INPP4A: variants seen among roughly 807,000 people sequenced by gnomAD.
The protein encoded by INPP4A is inositol polyphosphate-4-phosphatase type I A.
INPP4A carries 33 observed loss-of-function variants against 119.8 expected under a neutral mutation model. The observed-to-expected ratio is 0.28, with a 90% CI of 0.21 to 0.37. The LOEUF (loss-of-function observed/expected upper bound fraction) is 0.37, where lower values mean the gene tolerates loss of function less well. INPP4A is among the 10% of genes least tolerant of loss of function. The pLI, the probability that INPP4A is intolerant of heterozygous loss-of-function variation, is 1.00. For missense variants in INPP4A, 956 were observed against 1,289.9 expected (o/e 0.74, Z 3.97); for synonymous variants, 496 against 500.7 (o/e 0.99, Z 0.12).
chr2:98,490,487 C>G (rs760471409), intron 1 of INPP4A, among the ~76,000 whole-genome samples: 19 of 152,068 alleles, frequency 1.2e-4, no homozygotes, highest in Non-Finnish European at 2.6e-4. Flanking sequence ...AGAGGTACCT[C>G]AAGTCCCTGC....
intron 1 of INPP4A, among the ~76,000 whole-genome samples, chr2:98,490,627 T>G (rs1247119018): frequency 6.6e-6 from 1 of 152,218 alleles, no homozygotes; most frequent in Non-Finnish European, 1.5e-5. Context: ...GACCCCTTTA[T>G]TGTTCTCGTG....
chr2:98,581,424 CTTCAT>C (rs1469073724), intron 24 of INPP4A, among the ~76,000 whole-genome samples: 2 of 151,890 alleles, frequency 1.3e-5, no homozygotes, highest in Non-Finnish European at 2.9e-5. Flanking sequence ...TCTATTGTGA[CTTCAT>C]TTCATTTTTT....
At chr2:98,562,998 G>C (rs1434807268) in intron 17 of INPP4A, among the ~76,000 whole-genome samples, 2 of 152,170 alleles carry the variant, frequency 1.3e-5, no homozygotes, top group Admixed American at 6.5e-5. Context: ...GGGCAGAGGA[G>C]TCTCTGACTT....
Position 98,579,600 on chromosome 2 carries a change from G to T in INPP4A, c.2786+2457G>T, listed in dbSNP as rs1002175542. 3.9e-5 allele frequency among the ~76,000 whole-genome samples: 6 copies of T among 152,214 alleles called. No homozygotes were observed. The East Asian group carries it at 1.2e-3, about 29-fold the overall frequency. ...GTGCACGAGGCACTGCCCATGCCGG[G>T]CGCTGTCTTTCCTGTCACTCTTGTG... On this transcript the variant is annotated intron_variant, in intron 24 of 24. Coordinates refer to ENST00000409851, the MANE Select transcript of INPP4A (RefSeq NM_001134225.2).
At chr2:98,580,108 G>C (rs569742896) in intron 24 of INPP4A, among the ~76,000 whole-genome samples, 234 of 152,358 alleles carry the variant, frequency 1.5e-3, no homozygotes, top group Admixed American at 2.2e-3. Flanking sequence ...TCTGGCTGCT[G>C]GGGTGCCGAG....
Position 98,539,656 on chromosome 2 carries a change from C to T in INPP4A, c.799C>T (p.Leu267=), listed in dbSNP as rs778303837. 1 of 1,609,566 alleles carries T rather than the reference C, an allele frequency of 6.2e-7. No homozygotes were observed. The highest frequency in any genetic ancestry group is 1.7e-5 in the Admixed American group (1 of 59,510). ...HVPRQFVKLL[L]EEDAARVCEL... Reference sequence around the variant, plus strand: ...GCCCCGGCAGTTCGTGAAGCTCCTACTAGAGGAAGATGCAGCCAGGTGAGG... The same window carrying T: ...GCCCCGGCAGTTCGTGAAGCTCCTATTAGAGGAAGATGCAGCCAGGTGAGG... Residue 267 remains leucine (L), a synonymous_variant, in exon 10 of 25, where the codon CTA becomes TTA. Transcript: ENST00000409851.
At chr2:98,541,649 A>T (rs866890272) in intron 10 of INPP4A, among the ~76,000 whole-genome samples, 1 of 152,214 alleles carries the variant, frequency 6.6e-6, no homozygotes, top group African/African-American at 2.4e-5. Context: ...TGGCACCATC[A>T]TAGCTCACTA....
At chr2:98,506,371 T>C (rs947467549) in intron 1 of INPP4A, among the ~76,000 whole-genome samples, 4 of 152,360 alleles carry the variant, frequency 2.6e-5, no homozygotes, top group Admixed American at 1.3e-4. Flanking sequence ...CCCTCTACCA[T>C]TGTGAGCCTG....
chr2:98,496,441 G>T (rs1681965693), intron 1 of INPP4A, among the ~76,000 whole-genome samples: 4 of 152,152 alleles, frequency 2.6e-5, no homozygotes, highest in African/African-American at 4.8e-5. Context: ...ACATAGGTGA[G>T]GCGCTTCAGG....
chr2:98,581,128 A>T (rs1699241083), intron 24 of INPP4A, among the ~76,000 whole-genome samples: 1 of 152,182 alleles, frequency 6.6e-6, no homozygotes, highest in Non-Finnish European at 1.5e-5. Flanking sequence ...CTGCTCAGGC[A>T]TCTGTGAGAA....
chr2:98,533,724 G>C (rs1032932528), intron 5 of INPP4A, among the ~76,000 whole-genome samples: 1 of 152,192 alleles, frequency 6.6e-6, no homozygotes, highest in African/African-American at 2.4e-5. Flanking sequence ...TTGGCAGCTT[G>C]TTTTTGAACA....
chr2:98,553,224 AAGT>A (rs758772005), intron 14 of INPP4A, among the ~76,000 whole-genome samples: 132 of 152,276 alleles, frequency 8.7e-4, no homozygotes, highest in Non-Finnish European at 1.6e-3. Flanking sequence ...GCCCTTCAGC[AAGT>A]CCATGGGGCT....
chr2:98,527,506 A>G (rs528131701), intron 4 of INPP4A, among the ~76,000 whole-genome samples: 4 of 152,308 alleles, frequency 2.6e-5, no homozygotes, highest in African/African-American at 9.6e-5. Context: ...AGATTTGAAA[A>G]GCTCTTTCAT....
In INPP4A at chr2:98,566,236, A is replaced by G; in HGVS notation, c.2420+67A>G. 1 of 1,449,790 alleles carries G rather than the reference A, an allele frequency of 6.9e-7. No homozygotes were observed. The highest frequency in any genetic ancestry group is 1.4e-5 in the South Asian group (1 of 70,156). 89.8% of individuals were successfully genotyped at this position (1,449,790 alleles called of 1,614,324 possible). A position where few individuals can be genotyped will look rare whatever the true frequency, so the allele number is the denominator to read the frequency against. On this transcript the variant is annotated intron_variant, in intron 21 of 24. Coordinates refer to ENST00000409851, the MANE Select transcript of INPP4A (RefSeq NM_001134225.2). This position sits in a 1 kb window ranked among gnomAD's most constrained non-coding sequence, Gnocchi z 4.2. ...TGGAGATGATGCAGAAAACGTACTT[A>G]CCCCTCTTCAGGCTCTAAGTGCTGG... is the stretch of plus-strand genomic sequence containing the variant.
chr2:98,470,825 G>C (rs1471290095), intron 1 of INPP4A, among the ~76,000 whole-genome samples: 1 of 151,940 alleles, frequency 6.6e-6, no homozygotes, highest in African/African-American at 2.4e-5. Flanking sequence ...GCACCACCAC[G>C]CCCGGCTAAT....
rs367873334 is a variant in INPP4A, at chr2:98,564,735, C to T, written c.2124C>T (p.Ala708=). The T allele has an allele frequency of 1.9e-6, 3 of 1,598,758 alleles. No homozygotes were observed. The South Asian group carries it at 3.4e-5, about 18-fold the overall frequency. ...LRQLYTIGLL[A]QFESLLSTYG... is the part of the protein sequence containing the mutation. ...AGCTCTACACCATCGGGCTGCTGGCCCAGTTCGAGAGCCTGCTGAGCACCT... is the reference window on the plus strand; with the variant it reads ...AGCTCTACACCATCGGGCTGCTGGCTCAGTTCGAGAGCCTGCTGAGCACCT... The change falls in exon 19 of 25, where the codon GCC becomes GCT. Residue 708 remains alanine, a synonymous_variant. Transcript: ENST00000409851.
intron 13 of INPP4A, chr2:98,548,882 T>A: frequency 7.0e-7 from 1 of 1,438,680 alleles, no homozygotes; most frequent in South Asian, 1.3e-5. Flanking sequence ...GTTGGCTTTT[T>A]AATTTTTTGT....
At chr2:98,574,803 C>T (rs1232282034) in intron 23 of INPP4A, among the ~76,000 whole-genome samples, 1 of 152,130 alleles carries the variant, frequency 6.6e-6, no homozygotes, top group Non-Finnish European at 1.5e-5. Context: ...TGTGGTTCTA[C>T]CTGTCTATTG....
At chr2:98,446,439 A>T (rs571410014) in intron 1 of INPP4A, among the ~76,000 whole-genome samples, 2 of 151,926 alleles carry the variant, frequency 1.3e-5, no homozygotes, top group South Asian at 4.2e-4. Flanking sequence ...CTGTTGCAGG[A>T]GTGGTGCCAG....
Sources: gnomAD v4.1 joint callset for allele counts (sites outside exome capture counted in the v4.1 genomes callset) on GRCh38, gnomAD v4.1.1 for gene constraint, Gnocchi (gnomAD v3.1) non-coding constraint, MANE v1.5 for transcripts, NCBI Gene and HGNC (gene_info 2026-07-23, HGNC 2026-07-21) for gene names.